The following DNAH9 variants were observed in gnomAD, a reference collection of about 807,000 sequenced individuals.
DNAH9 encodes the protein dynein axonemal heavy chain 9, also known as DNAH9 variant protein.
DNAH9 carries 345 observed loss-of-function variants against 471.6 expected under a neutral mutation model. The ratio of observed to expected loss-of-function variants is 0.73; its 90% CI spans 0.67 to 0.80. The LOEUF is 0.80. DNAH9 is among the 30% of genes least tolerant of loss of function. DNAH9 has a pLI of 0.00. For missense variants in DNAH9, 5,407 were observed against 5,609.2 expected (o/e 0.96, Z 1.15); for synonymous variants, 2,093 against 2,123.6 (o/e 0.99, Z 0.40).
At chr17:11,852,421 A>T (rs1389090780) in intron 49 of DNAH9, among the ~76,000 whole-genome samples, 1 of 152,088 alleles carries the variant, frequency 6.6e-6, no homozygotes, top group Non-Finnish European at 1.5e-5. Context: ...TGTCTGACCC[A>T]TGACCAGGGG....
intron 38 of DNAH9, among the ~76,000 whole-genome samples, chr17:11,771,579 A>G (rs974395818): frequency 6.6e-6 from 1 of 152,232 alleles, no homozygotes; most frequent in African/African-American, 2.4e-5. Flanking sequence ...GGCCGAAGTC[A>G]TCACATCAGC....
intron 60 of DNAH9, 95 bp downstream of exon 60, chr17:11,903,007 GTATA>G: frequency 7.5e-7 from 1 of 1,338,862 alleles, no homozygotes; most frequent in South Asian, 1.4e-5. Flanking sequence ...AAAGCCATGT[GTATA>G]TAGTAGTTTC....
chr17:11,765,736 C>T (rs1432746688), intron 36 of DNAH9, among the ~76,000 whole-genome samples: 1 of 152,178 alleles, frequency 6.6e-6, no homozygotes, highest in Non-Finnish European at 1.5e-5. Flanking sequence ...GACAGCTTTA[C>T]ATTTCCCCTT....
At chr17:11,838,539 G>C (rs938973007) in intron 49 of DNAH9, among the ~76,000 whole-genome samples, 1 of 152,170 alleles carries the variant, frequency 6.6e-6, no homozygotes, top group Non-Finnish European at 1.5e-5. Context: ...TGGTAGAAAA[G>C]AACATCCCAG....
At chr17:11,613,673 CAT>C (rs2072682944) in intron 4 of DNAH9, among the ~76,000 whole-genome samples, 1 of 152,100 alleles carries the variant, frequency 6.6e-6, no homozygotes, top group Non-Finnish European at 1.5e-5. Flanking sequence ...ACCAGCTTTC[CAT>C]TTATGGTAGT....
chr17:11,619,464 G>T, intron 5 of DNAH9, 84 bp from the exon 6 acceptor site: 1 of 767,588 alleles, frequency 1.3e-6, no homozygotes. Flanking sequence ...ATATTACTGG[G>T]GCAATGATTC....
intron 26 of DNAH9, among the ~76,000 whole-genome samples, chr17:11,710,612 A>G (rs1724792457): frequency 1.3e-5 from 2 of 152,150 alleles, no homozygotes; most frequent in Admixed American, 1.3e-4. Flanking sequence ...TTTATTAGCT[A>G]TTAGATTTTC....
At chr17:11,698,066 TATA>T (rs1192741549) in intron 22 of DNAH9, among the ~76,000 whole-genome samples, 61 of 144,116 alleles carry the variant, frequency 4.2e-4, no homozygotes, top group Non-Finnish European at 7.2e-4. Flanking sequence ...TAAAATTATA[TATA>T]ATGTTACTTT....
At chr17:11,731,465 A>G (rs1313521602) in intron 28 of DNAH9, among the ~76,000 whole-genome samples, 1 of 150,852 alleles carries the variant, frequency 6.6e-6, no homozygotes, top group Non-Finnish European at 1.5e-5. Context: ...TTTGTTACAT[A>G]TGTATACATG....
chr17:11,644,875 T>A (rs934349443), intron 11 of DNAH9, among the ~76,000 whole-genome samples, 176 bp downstream of exon 11: 2 of 152,148 alleles, frequency 1.3e-5, no homozygotes, highest in African/African-American at 4.8e-5. Flanking sequence ...ACAGGGTATC[T>A]GGGGAATTCA....
intron 20 of DNAH9, among the ~76,000 whole-genome samples, chr17:11,693,518 G>A (rs1316938240): frequency 6.7e-6 from 1 of 148,900 alleles, no homozygotes; most frequent in Non-Finnish European, 1.5e-5. Flanking sequence ...GTCAGCCTCC[G>A]AAAGTGCTGG....
intron 26 of DNAH9, chr17:11,705,608 A>G (rs189179465): frequency 4.9e-4 from 82 of 165,886 alleles, no homozygotes; most frequent in Admixed American, 1.8e-3. Flanking sequence ...GAAGAGAGGT[A>G]GGTTAACAGA....
intron 59 of DNAH9, among the ~76,000 whole-genome samples, chr17:11,901,484 T>G (rs947736890): frequency 2.0e-5 from 3 of 152,018 alleles, no homozygotes; most frequent in Non-Finnish European, 2.9e-5. Context: ...TCGCCTGAGG[T>G]CAGGAGTTCA....
At chr17:11,967,115 T>A (rs1157372511) in intron 68 of DNAH9, among the ~76,000 whole-genome samples, 1 of 148,504 alleles carries the variant, frequency 6.7e-6, no homozygotes, top group Non-Finnish European at 1.5e-5. Context: ...TTGTTTTTTG[T>A]TTTTTTTAAG....
At chr17:11,865,601 A>G (rs1972020035) in intron 50 of DNAH9, among the ~76,000 whole-genome samples, 1 of 151,846 alleles carries the variant, frequency 6.6e-6, no homozygotes, top group Non-Finnish European at 1.5e-5. Flanking sequence ...CCTGGATAAT[A>G]TCCTGCAGAG....
chr17:11,905,762 T>G lies in DNAH9; in HGVS notation c.11702T>G (p.Phe3901Cys), dbSNP rs775296896. The change falls in exon 61 of 69, where the codon TTC (phenylalanine) becomes TGC (cysteine). Residue 3901 changes from phenylalanine to cysteine, a missense_variant. Phe to Cys is a radical substitution (Grantham distance 205). Transcript: ENST00000262442. ...EESGPATPMF[F>C]ILSPGVDPLK... ...TCGGGACCAGCCACTCCTATGTTTTTCATCCTGTCTCCAGGGGTGGACCCA... is the reference window on the plus strand; with the variant it reads ...TCGGGACCAGCCACTCCTATGTTTTGCATCCTGTCTCCAGGGGTGGACCCA... 3.1e-6 allele frequency: 5 copies of G among 1,614,138 alleles called. No individual in the cohort carries two copies. The East Asian group carries it at 8.9e-5, about 29-fold the overall frequency.
intron 10 of DNAH9, among the ~76,000 whole-genome samples, chr17:11,642,171 C>T (rs1388879583): frequency 6.6e-6 from 1 of 152,088 alleles, no homozygotes; most frequent in African/African-American, 2.4e-5. Context: ...TCCCAAGAGG[C>T]GATCTGGAAG....
At position 11,629,398 on chromosome 17, in the gene DNAH9, T is replaced by C. The variant is rs28665591; in HGVS notation, c.1351-19T>C. ...TTTGCTGAGAATGATTTTAACTTTT[T>C]TGTGAATTGTCCCCATAGGGTCTTC... On this transcript the variant is annotated intron_variant, in intron 6 of 68. Coordinates refer to ENST00000262442, the MANE Select transcript of DNAH9 (RefSeq NM_001372.4). 0.017 allele frequency: 26,713 copies of C among 1,603,888 alleles called. 692 individuals are homozygous for C. The highest frequency in any genetic ancestry group is 0.092 in the South Asian group (8,336 of 90,608).
intron 24 of DNAH9, 140 bp from the exon 25 acceptor site, chr17:11,704,063 T>G: frequency 1.1e-6 from 1 of 944,056 alleles, no homozygotes; most frequent in Admixed American, 2.0e-5. Context: ...TATGGTTCAC[T>G]TAGTCAGTGC....
Sources: gnomAD v4.1 joint callset for allele counts (sites outside exome capture counted in the v4.1 genomes callset) on GRCh38, gnomAD v4.1.1 for gene constraint, MANE v1.5 for transcripts, NCBI Gene and HGNC (gene_info 2026-07-23, HGNC 2026-07-21) for gene names.